ZMIZ1: variants seen among roughly 807,000 people sequenced by gnomAD.
The protein encoded by ZMIZ1 is zinc finger MIZ domain-containing protein 1.
ZMIZ1 carries 17 observed loss-of-function variants against 113.9 expected under a neutral mutation model. The ratio of observed to expected loss-of-function variants is 0.15; its 90% confidence interval spans 0.10 to 0.22. ZMIZ1 has a LOEUF of 0.22. Ranked by LOEUF, ZMIZ1 falls within the 10% of genes least tolerant of loss-of-function variation. ZMIZ1 has a pLI of 1.00. For missense variants in ZMIZ1, 1,059 were observed against 1,477.8 expected (o/e 0.72, Z 4.65); for synonymous variants, 607 against 603.1 (o/e 1.01, Z -0.09).
chr10:79,159,486 G>T (rs971906756), intron 3 of ZMIZ1, among the ~76,000 whole-genome samples: 1 of 152,230 alleles, frequency 6.6e-6, no homozygotes, highest in Non-Finnish European at 1.5e-5. Context: ...GCTGGTTGCC[G>T]CATAGCGGGC....
intron 1 of ZMIZ1, among the ~76,000 whole-genome samples, chr10:79,110,928 A>G (rs1237927713): frequency 2.0e-5 from 3 of 152,230 alleles, no homozygotes; most frequent in Non-Finnish European, 2.9e-5. Context: ...TCCCAGTGTG[A>G]TATCAATACA....
intron 19 of ZMIZ1, among the ~76,000 whole-genome samples, chr10:79,304,914 C>T (rs546468861): frequency 6.6e-5 from 10 of 152,234 alleles, no homozygotes; most frequent in African/African-American, 2.4e-4. Flanking sequence ...ACCAGGAAGG[C>T]TTCTCAGAGG....
intron 1 of ZMIZ1, among the ~76,000 whole-genome samples, chr10:79,115,206 T>C (rs1224286518): frequency 6.6e-6 from 1 of 152,130 alleles, no homozygotes; most frequent in Non-Finnish European, 1.5e-5. Flanking sequence ...GCAGACCCAC[T>C]TGTGGAAGGC....
chr10:79,263,106 C>A (rs904664093), intron 7 of ZMIZ1, among the ~76,000 whole-genome samples: 3 of 152,216 alleles, frequency 2.0e-5, no homozygotes, highest in Non-Finnish European at 4.4e-5. Context: ...CAGAAGGGAG[C>A]GCGTAAGTAC....
chr10:79,303,738 G>A (rs912310504), intron 18 of ZMIZ1, among the ~76,000 whole-genome samples: 1 of 152,184 alleles, frequency 6.6e-6, no homozygotes, highest in Non-Finnish European at 1.5e-5. Context: ...CCTTCCTCGC[G>A]AAGGCAGGGC....
chr10:79,098,321 G>T (rs1030987481), intron 1 of ZMIZ1, among the ~76,000 whole-genome samples: 1 of 152,202 alleles, frequency 6.6e-6, no homozygotes, highest in African/African-American at 2.4e-5. Context: ...CTGCCTGGAG[G>T]CAGTGTAGTG....
intron 1 of ZMIZ1, among the ~76,000 whole-genome samples, chr10:79,076,332 C>T (rs16936800): frequency 0.14 from 20,571 of 152,100 alleles, 1,865 homozygotes; most frequent in East Asian, 0.31. Context: ...AAATGCTCTT[C>T]GGGTCTGATG....
intron 8 of ZMIZ1, among the ~76,000 whole-genome samples, chr10:79,281,365 A>G (rs1160249436): frequency 2.6e-5 from 4 of 152,206 alleles, no homozygotes; most frequent in Non-Finnish European, 5.9e-5. Flanking sequence ...GAAGATGGAC[A>G]GGGCTGACTG....
intron 1 of ZMIZ1, among the ~76,000 whole-genome samples, chr10:79,086,546 G>T (rs112357003): frequency 4.9e-4 from 74 of 152,200 alleles, no homozygotes; most frequent in African/African-American, 1.6e-3. Flanking sequence ...CTGGGTCTCA[G>T]TCTGTCACCC....
At chr10:79,184,066 A>T (rs890225340) in intron 4 of ZMIZ1, among the ~76,000 whole-genome samples, 1 of 152,286 alleles carries the variant, frequency 6.6e-6, no homozygotes, top group South Asian at 2.1e-4. Flanking sequence ...CGGTGCCTTG[A>T]GGTGGGATAC....
chr10:79,168,551 G>A (rs898042039), intron 4 of ZMIZ1, among the ~76,000 whole-genome samples: 1 of 152,204 alleles, frequency 6.6e-6, no homozygotes, highest in Non-Finnish European at 1.5e-5. Flanking sequence ...CAGGCACCCA[G>A]CTTGTGCACC....
chr10:79,103,973 C>G (rs1378056244), intron 1 of ZMIZ1, among the ~76,000 whole-genome samples: 1 of 152,204 alleles, frequency 6.6e-6, no homozygotes, highest in Non-Finnish European at 1.5e-5. Context: ...AACCTTGTTC[C>G]CAGCTGGGCT....
At chr10:79,186,820 G>A (rs555895307) in intron 4 of ZMIZ1, among the ~76,000 whole-genome samples, 2 of 152,186 alleles carry the variant, frequency 1.3e-5, no homozygotes, top group Non-Finnish European at 2.9e-5. Context: ...CGTGCCACCC[G>A]CCAGGCTGAC....
At position 79,305,022 on chromosome 10, in the gene ZMIZ1, C is replaced by A; in HGVS notation, c.2287-142C>A. On this transcript the variant is annotated intron_variant, in intron 19 of 24. Transcript: ENST00000334512. ...CGTGGCAGAAAGGTAGCATTGCTTTCATTCCACCCAGCCCCAGCCCGGGGT... is the reference window on the plus strand; with the variant it reads ...CGTGGCAGAAAGGTAGCATTGCTTTAATTCCACCCAGCCCCAGCCCGGGGT... The A allele has an allele frequency of 6.7e-6, 6 of 891,268 alleles. No homozygotes were observed. In the South Asian group the frequency reaches 8.5e-5, roughly 13 times the overall value. 55.2% of individuals were successfully genotyped at this position (891,268 alleles called of 1,614,324 possible). A position where few individuals can be genotyped will look rare whatever the true frequency, so the allele number is the denominator to read the frequency against.
At chr10:79,123,404 C>T (rs1018321052) in intron 2 of ZMIZ1, among the ~76,000 whole-genome samples, 2 of 152,106 alleles carry the variant, frequency 1.3e-5, no homozygotes, top group African/African-American at 4.8e-5. Context: ...AGGGATTCAA[C>T]GAAGTAAGCC....
At chr10:79,081,153 C>T (rs1461070289) in intron 1 of ZMIZ1, among the ~76,000 whole-genome samples, 1 of 151,588 alleles carries the variant, frequency 6.6e-6, no homozygotes, top group East Asian at 1.9e-4. Flanking sequence ...TACCTCTCCC[C>T]TAGTTCTCTT....
At chr10:79,175,594 G>GTGTGTGTGTGTGTA in intron 4 of ZMIZ1, among the ~76,000 whole-genome samples, 9 of 107,578 alleles carry the variant, frequency 8.4e-5, no homozygotes, top group African/African-American at 4.6e-4. Context: ...GTGTGTGTGT[G>GTGTGTGTGTGTGTA]TGTGTGTGTG....
At chr10:79,182,799 T>G (rs1223463308) in intron 4 of ZMIZ1, among the ~76,000 whole-genome samples, 1 of 152,254 alleles carries the variant, frequency 6.6e-6, no homozygotes, top group Non-Finnish European at 1.5e-5. Flanking sequence ...AGGGTCTCCA[T>G]GGCGATTAAA....
chr10:79,162,388 G>A (rs933699454), intron 4 of ZMIZ1, among the ~76,000 whole-genome samples: 3 of 152,194 alleles, frequency 2.0e-5, no homozygotes, highest in Non-Finnish European at 2.9e-5. Flanking sequence ...AGGTCTGCCC[G>A]GGGAGAGGGG....
Sources: gnomAD v4.1 joint callset for allele counts (sites outside exome capture counted in the v4.1 genomes callset) on GRCh38, gnomAD v4.1.1 for gene constraint, MANE v1.5 for transcripts, NCBI Gene and HGNC (gene_info 2026-07-23, HGNC 2026-07-21) for gene names.